TLL2: variants seen among roughly 807,000 people sequenced by gnomAD.
TLL2 encodes the protein tolloid-like protein 2.
In TLL2, 106 loss-of-function variants were observed where a neutral mutation model predicts 123.0. The ratio of observed to expected loss-of-function variants is 0.86; its 90% CI spans 0.74 to 1.01. The LOEUF is 1.01. Ranked by LOEUF, TLL2 falls within the 50% of genes least tolerant of loss-of-function variation. The pLI, the probability that TLL2 is intolerant of heterozygous loss-of-function variation, is 0.00. For synonymous variants in TLL2, 494 were observed against 516.8 expected (o/e 0.96, Z 0.60); for missense variants, 1,332 against 1,336.7 (o/e 1.00, Z 0.06).
At chr10:96,441,518 G>A (rs1287668511) in intron 3 of TLL2, among the ~76,000 whole-genome samples, 1 of 152,214 alleles carries the variant, frequency 6.6e-6, no homozygotes, top group Non-Finnish European at 1.5e-5. Flanking sequence ...CTCCCCAGGT[G>A]ATTACAAAGC....
At chr10:96,470,477 G>A (rs991472382) in intron 2 of TLL2, among the ~76,000 whole-genome samples, 5 of 152,326 alleles carry the variant, frequency 3.3e-5, no homozygotes, top group African/African-American at 2.4e-5. Context: ...TTGATGGGTC[G>A]GGCAGATGCT....
rs61746114 is a variant in TLL2, at chr10:96,384,734, C to A, written c.2047G>T (p.Gly683Cys). The change falls in exon 16 of 21, where the codon GGC becomes TGC. Residue 683 changes from glycine (G) to cysteine (C), a missense_variant. Transcript: ENST00000357947. ...CKYDFVEVRS[G>C]LSPDAKLHGR... is the part of the protein sequence containing the mutation. Reference sequence around the variant, plus strand: ...TGCAGCTTGGCGTCGGGGGACAGGCCGCTGCGCACCTCTACAAAGTCGTAC... The same window carrying A: ...TGCAGCTTGGCGTCGGGGGACAGGCAGCTGCGCACCTCTACAAAGTCGTAC... 1.2e-6 allele frequency: 2 copies of A among 1,606,766 alleles called. 1 individual carries two copies. The highest frequency in any genetic ancestry group is 2.2e-5 in the South Asian group (2 of 90,288).
chr10:96,476,248 T>TTTTTTTTGTTGTTG (rs1285354320), intron 2 of TLL2, among the ~76,000 whole-genome samples: 778 of 69,212 alleles, frequency 0.011, 69 homozygotes, highest in African/African-American at 0.044. Context: ...ATATTTTATT[T>TTTTTTTTGTTGTTG]TTGTTGTTGT....
chr10:96,397,793 T>C (rs1846355995), intron 10 of TLL2, among the ~76,000 whole-genome samples: 1 of 152,144 alleles, frequency 6.6e-6, no homozygotes, highest in South Asian at 2.1e-4. Context: ...CTAGTTGCAA[T>C]AGCAAAGATT....
At chr10:96,489,300 G>A (rs1847388963) in intron 1 of TLL2, among the ~76,000 whole-genome samples, 1 of 152,228 alleles carries the variant, frequency 6.6e-6, no homozygotes, top group Admixed American at 6.5e-5. Flanking sequence ...GCCAAGGTGG[G>A]AACATCACCT....
At chr10:96,379,277 T>C (rs1205405734) in intron 16 of TLL2, among the ~76,000 whole-genome samples, 185 bp from the exon 17 acceptor site, 1 of 152,188 alleles carries the variant, frequency 6.6e-6, no homozygotes, top group Non-Finnish European at 1.5e-5. Flanking sequence ...TTCTTGGGTA[T>C]GTACTTGGCC....
chr10:96,406,613 C>T (rs1214904129), intron 9 of TLL2, among the ~76,000 whole-genome samples: 2 of 152,148 alleles, frequency 1.3e-5, no homozygotes, highest in Non-Finnish European at 2.9e-5. Context: ...ATTCCCTCCC[C>T]ACCAAATCTA....
intron 2 of TLL2, among the ~76,000 whole-genome samples, chr10:96,448,113 C>G (rs1027271030): frequency 6.6e-6 from 1 of 152,174 alleles, no homozygotes; most frequent in African/African-American, 2.4e-5. Flanking sequence ...TGCCAGGTCT[C>G]CTGTAGAGAA....
intron 2 of TLL2, among the ~76,000 whole-genome samples, chr10:96,469,619 TC>T (rs887459486): frequency 2.6e-5 from 4 of 152,092 alleles, no homozygotes; most frequent in African/African-American, 9.7e-5. Context: ...GGGCAGTGGC[TC>T]CCCCAACCCA....
chr10:96,434,391 T>G (rs1402525570), intron 3 of TLL2, among the ~76,000 whole-genome samples: 1 of 152,230 alleles, frequency 6.6e-6, no homozygotes, highest in Non-Finnish European at 1.5e-5. Context: ...AGTAATCAAC[T>G]TTGTTTCTAT....
intron 4 of TLL2, among the ~76,000 whole-genome samples, chr10:96,431,966 A>C: frequency 6.6e-6 from 1 of 152,082 alleles, no homozygotes; most frequent in East Asian, 1.9e-4. Flanking sequence ...TGGGATGGGC[A>C]CATGGCTGGT....
In TLL2 at chr10:96,410,070, A is replaced by G. The variant is rs192639898; in HGVS notation, c.1164+289T>C. On this transcript the variant is annotated intron_variant, in intron 9 of 20. Coordinates refer to ENST00000357947, the MANE Select transcript of TLL2 (RefSeq NM_012465.4). Reference sequence around the variant, plus strand: ...GAGCAGCAATCCGAGGTGTCACAGAATTCTAAATTCTAGGATATTATAATA... The same window carrying G: ...GAGCAGCAATCCGAGGTGTCACAGAGTTCTAAATTCTAGGATATTATAATA... Among the ~76,000 whole-genome samples the G allele has an allele frequency of 1.9e-3, 289 of 152,342 alleles. 2 individuals carry two copies. The highest frequency in any genetic ancestry group is 6.2e-3 in the African/African-American group (258 of 41,588).
At chr10:96,438,498 A>C (rs1412246012) in intron 3 of TLL2, among the ~76,000 whole-genome samples, 1 of 152,158 alleles carries the variant, frequency 6.6e-6, no homozygotes, top group African/African-American at 2.4e-5. Flanking sequence ...TATTTCTGAA[A>C]TTTTGTTGAA....
chr10:96,408,153 G>T (rs1846468924), intron 9 of TLL2, among the ~76,000 whole-genome samples: 1 of 152,176 alleles, frequency 6.6e-6, no homozygotes, highest in Non-Finnish European at 1.5e-5. Flanking sequence ...CCTGTAAGCT[G>T]GTTGCACAAT....
Position 96,422,635 on chromosome 10 carries a change from A to G in TLL2, c.731T>C (p.Leu244Pro), listed in dbSNP as rs757056626. ...CDKFGIVAHE[L>P]GHVVGFWHEH... is the part of the protein sequence containing the mutation. ...ATGCCAAAACCCAACCACATGGCCC[A>G]GCTCGTGAGCCACAATGCCAAACTT... Residue 244 changes from leucine to proline, a missense_variant, in exon 6 of 21, where the codon CTG becomes CCG. Physicochemically the swap from Leu to Pro is moderately conservative, Grantham distance 98. Coordinates refer to ENST00000357947, the MANE Select transcript of TLL2 (RefSeq NM_012465.4). 14 of 1,614,078 alleles carry G rather than the reference A, an allele frequency of 8.7e-6. No homozygotes were observed. In the African/African-American group the frequency reaches 1.7e-4, roughly 20 times the overall value.
intron 7 of TLL2, among the ~76,000 whole-genome samples, chr10:96,419,295 G>T (rs1297190518): frequency 6.6e-6 from 1 of 152,122 alleles, no homozygotes; most frequent in East Asian, 1.9e-4. Flanking sequence ...CAACTTGAAA[G>T]GTTAGAGCTG....
chr10:96,512,622 T>C (rs979878600), intron 1 of TLL2, among the ~76,000 whole-genome samples: 1 of 152,216 alleles, frequency 6.6e-6, no homozygotes, highest in Non-Finnish European at 1.5e-5. Context: ...GCCAGGAGCG[T>C]CTGTGCGAGC....
At chr10:96,508,516 CCCACAGCT>C (rs1390627573) in intron 1 of TLL2, among the ~76,000 whole-genome samples, 3 of 152,178 alleles carry the variant, frequency 2.0e-5, no homozygotes, top group African/African-American at 7.2e-5. Context: ...TAACATGGGA[CCCACAGCT>C]GTGAAGAAGG....
intron 1 of TLL2, among the ~76,000 whole-genome samples, chr10:96,501,241 C>T (rs773156312): frequency 1.3e-5 from 2 of 152,214 alleles, no homozygotes; most frequent in Non-Finnish European, 2.9e-5. Context: ...TCTCCCTTTC[C>T]ACCACCTCAA....
Sources: gnomAD v4.1 joint callset for allele counts (sites outside exome capture counted in the v4.1 genomes callset) on GRCh38, gnomAD v4.1.1 for gene constraint, MANE v1.5 for transcripts, NCBI Gene and HGNC (gene_info 2026-07-23, HGNC 2026-07-21) for gene names.